Variants in PALM2AKAP2 observed in about 807,000 individuals in gnomAD.
The protein encoded by PALM2AKAP2 is PALM2-AKAP2 fusion protein.
In PALM2AKAP2, 37 loss-of-function variants were observed where a neutral mutation model predicts 71.5. The ratio of observed to expected loss-of-function variants is 0.52; its 90% CI spans 0.40 to 0.68. The LOEUF (loss-of-function observed/expected upper bound fraction) is 0.68, where lower values mean the gene tolerates loss of function less well. PALM2AKAP2 is among the 30% of genes least tolerant of loss of function. The pLI is 0.00. For missense variants in PALM2AKAP2, 1,224 were observed against 1,191.8 expected, an observed-to-expected ratio of 1.03 and a Z score of -0.40; for synonymous variants, 468 against 478.8, an observed-to-expected ratio of 0.98 and a Z score of 0.29.
chr9:109,775,460 T>C (rs1422542773), upstream of PALM2AKAP2, among the ~76,000 whole-genome samples: 1 of 152,206 alleles, frequency 6.6e-6, no homozygotes, highest in African/African-American at 2.4e-5. Flanking sequence ...AAATAGCATA[T>C]ACTTGAAATC....
At chr9:110,105,165 T>G (rs1350577408) in intron 1 of PALM2AKAP2, among the ~76,000 whole-genome samples, 1 of 152,226 alleles carries the variant, frequency 6.6e-6, no homozygotes, top group Non-Finnish European at 1.5e-5. Context: ...GAGTTTTACC[T>G]AGAGGCCAAA....
In PALM2AKAP2 at chr9:110,139,095, A is replaced by G. The variant is rs185251431; in HGVS notation, c.2569+556A>G. Among the ~76,000 whole-genome samples, 208 of 152,278 alleles carry G rather than the reference A, an allele frequency of 1.4e-3. 2 individuals carry two copies. Among genetic ancestry groups the G allele is most frequent in the African/African-American group, 4.9e-3 (204 of 41,552 alleles). On this transcript the variant is annotated intron_variant, in intron 2 of 3. Transcript: ENST00000374525. ...GTAACTGGGTTTTTCTTCTTAAGTC[A>G]CCACAAAGCAACTACTTTGGAATCA...
intron 1 of PALM2AKAP2, among the ~76,000 whole-genome samples, chr9:109,744,567 G>A (rs574336324): frequency 3.3e-5 from 5 of 152,268 alleles, no homozygotes; most frequent in African/African-American, 1.2e-4. Context: ...ATGTTTGGAG[G>A]ACTAGAGGGT....
intron 3 of PALM2AKAP2, 48 bp from the exon 10 acceptor site, chr9:110,162,046 A>G: frequency 6.2e-7 from 1 of 1,606,070 alleles, no homozygotes; most frequent in Non-Finnish European, 8.5e-7. Context: ...GTGTTCTGTA[A>G]GTGTGTCACT....
At chr9:109,816,705 A>G (rs1827863409) in intron 1 of PALM2AKAP2, among the ~76,000 whole-genome samples, 1 of 152,318 alleles carries the variant, frequency 6.6e-6, no homozygotes. Context: ...GAGCCAAGGA[A>G]TGAAGTCATC....
chr9:110,113,340 G>A (rs1205709425), intron 1 of PALM2AKAP2, among the ~76,000 whole-genome samples: 1 of 151,458 alleles, frequency 6.6e-6, no homozygotes, highest in Non-Finnish European at 1.5e-5. Flanking sequence ...CCAGGTTCAA[G>A]AGATTCTCCT....
In PALM2AKAP2 at chr9:109,721,460, C is replaced by G. The variant is rs375390503; in HGVS notation, c.6-59028C>G. Among the ~76,000 whole-genome samples the G allele has an allele frequency of 1.8e-4, 28 of 152,284 alleles. 1 individual carries two copies. The South Asian group carries it at 4.1e-3, about 23-fold the overall frequency. Reference sequence around the variant, plus strand: ...TCCAGGCCTTCCAACTCCAAGGAAACTGAGGCAAAAATCTACCTTCTATCT... The same window carrying G: ...TCCAGGCCTTCCAACTCCAAGGAAAGTGAGGCAAAAATCTACCTTCTATCT... On this transcript the variant is annotated intron_variant, in intron 1 of 6. Coordinates refer to the PALM2AKAP2 transcript ENST00000374531.
At chr9:110,087,852 A>G (rs1198608430) in intron 1 of PALM2AKAP2, among the ~76,000 whole-genome samples, 1 of 152,186 alleles carries the variant, frequency 6.6e-6, no homozygotes, top group Non-Finnish European at 1.5e-5. Context: ...GGAAGCAAAC[A>G]CAGAGCCATT....
At chr9:109,945,304 G>A (rs567587634) in intron 6 of PALM2AKAP2, 1 of 152,250 alleles carries the variant, frequency 6.6e-6, no homozygotes, top group East Asian at 1.9e-4. Flanking sequence ...AAAAATAAAG[G>A]AGCTAAGTTC....
chr9:109,822,258 C>T (rs1828026680), intron 1 of PALM2AKAP2, among the ~76,000 whole-genome samples: 1 of 140,142 alleles, frequency 7.1e-6, no homozygotes, highest in African/African-American at 2.7e-5. Context: ...TCCCATCTTC[C>T]CCATCCATCT....
At chr9:110,118,075 T>G (rs961726396) in intron 1 of PALM2AKAP2, among the ~76,000 whole-genome samples, 4 of 150,738 alleles carry the variant, frequency 2.7e-5, no homozygotes, top group African/African-American at 9.8e-5. Flanking sequence ...ATGATCTATA[T>G]TCAAGGATCT....
chr9:110,013,063 G>T (rs62580226), intron 6 of PALM2AKAP2, among the ~76,000 whole-genome samples: 9,176 of 152,182 alleles, frequency 0.06, 433 homozygotes, highest in African/African-American at 0.12. Context: ...TATGCAGTTG[G>T]CTGGGGCTTG....
chr9:109,900,146 G>T (rs1445055655), intron 3 of PALM2AKAP2, among the ~76,000 whole-genome samples: 1 of 152,188 alleles, frequency 6.6e-6, no homozygotes, highest in Non-Finnish European at 1.5e-5. Flanking sequence ...TTTCCAGTGG[G>T]AAGTTCAGCT....
chr9:110,068,547 T>G (rs114201496), intron 1 of PALM2AKAP2, among the ~76,000 whole-genome samples: 2,074 of 142,260 alleles, frequency 0.015, 191 homozygotes, highest in African/African-American at 0.058. Context: ...AATTTTTTTT[T>G]GAGACAGGGT....
intron 1 of PALM2AKAP2, among the ~76,000 whole-genome samples, chr9:109,861,438 A>ACATGTTATGATTATAACATGTTCTAT (rs1829306435): frequency 6.6e-6 from 1 of 152,168 alleles, no homozygotes; most frequent in South Asian, 2.1e-4. Context: ...TATGTTACGA[A>ACATGTTATGATTATAACATGTTCTAT]CATGTTATGA....
At chr9:109,899,292 C>G (rs1587994036) in intron 3 of PALM2AKAP2, among the ~76,000 whole-genome samples, 3 of 152,274 alleles carry the variant, frequency 2.0e-5, no homozygotes, top group African/African-American at 7.2e-5. Flanking sequence ...GGACATTGTC[C>G]TTGCTTCTTT....
intron 7 of PALM2AKAP2, among the ~76,000 whole-genome samples, chr9:110,042,374 C>T (rs138914645): frequency 7.1e-5 from 10 of 141,662 alleles, no homozygotes; most frequent in Non-Finnish European, 1.1e-4. Context: ...TTTGGTGAGC[C>T]GAGATTGTGC....
intron 6 of PALM2AKAP2, among the ~76,000 whole-genome samples, chr9:109,958,709 G>A (rs958988256): frequency 2.0e-5 from 3 of 151,690 alleles, no homozygotes; most frequent in Non-Finnish European, 2.9e-5. Context: ...GAGGAAGGAA[G>A]GAAGGAAAAG....
chr9:109,910,363 C>G (rs1012391233), intron 3 of PALM2AKAP2, among the ~76,000 whole-genome samples: 2 of 152,116 alleles, frequency 1.3e-5, no homozygotes, highest in East Asian at 3.9e-4. Context: ...TACATAAAGG[C>G]TGGAGTTCAG....
Sources: gnomAD v4.1 joint callset for allele counts (sites outside exome capture counted in the v4.1 genomes callset) on GRCh38, gnomAD v4.1.1 for gene constraint, MANE v1.5 for transcripts, NCBI Gene and HGNC (gene_info 2026-07-23, HGNC 2026-07-21) for gene names.